DKK2: variants seen among roughly 807,000 people sequenced by gnomAD.
DKK2 encodes the protein dickkopf Wnt signaling pathway inhibitor 2.
Under a neutral mutation model 28.1 loss-of-function variants are expected in DKK2, and 11 were observed. The ratio of observed to expected loss-of-function variants is 0.39; its 90% CI spans 0.25 to 0.65. The LOEUF is 0.65. DKK2 is among the 30% of genes least tolerant of loss of function. DKK2 has a pLI of 0.47. For missense variants in DKK2, 326 were observed against 335.5 expected (o/e 0.97, Z 0.22); for synonymous variants, 135 against 126.5 (o/e 1.07, Z -0.45).
chr4:107,003,672 T>C (rs1427438475), intron 1 of DKK2, among the ~76,000 whole-genome samples: 2 of 152,226 alleles, frequency 1.3e-5, no homozygotes, highest in Non-Finnish European at 1.5e-5. Flanking sequence ...TGTCTGAACT[T>C]GCAGATTCTT....
intron 1 of DKK2, among the ~76,000 whole-genome samples, chr4:106,931,875 T>C (rs1724509274): frequency 6.6e-6 from 1 of 152,216 alleles, no homozygotes; most frequent in Non-Finnish European, 1.5e-5. Context: ...TAAGATGCCC[T>C]GATCAATCAT....
At chr4:107,025,227 GC>G (rs1456241527) in intron 1 of DKK2, among the ~76,000 whole-genome samples, 1 of 152,150 alleles carries the variant, frequency 6.6e-6, no homozygotes, top group East Asian at 1.9e-4. Flanking sequence ...CTAAAACACT[GC>G]CGATCTCCAA....
At chr4:106,940,996 A>G (rs543859241) in intron 1 of DKK2, among the ~76,000 whole-genome samples, 5 of 152,186 alleles carry the variant, frequency 3.3e-5, no homozygotes, top group Non-Finnish European at 7.4e-5. Context: ...ATTGGGAGAT[A>G]CACCTAATGC....
chr4:106,971,365 A>G (rs536255324), intron 1 of DKK2, among the ~76,000 whole-genome samples: 2 of 152,202 alleles, frequency 1.3e-5, no homozygotes, highest in East Asian at 3.9e-4. Flanking sequence ...GTATTTCAAA[A>G]CTAATTATTA....
At chr4:106,955,755 C>T (rs765426829) in intron 1 of DKK2, among the ~76,000 whole-genome samples, 13 of 152,090 alleles carry the variant, frequency 8.5e-5, no homozygotes, top group Non-Finnish European at 1.3e-4. Context: ...TATCTTGGTA[C>T]TAAGCTATTT....
At chr4:107,005,217 T>C (rs980915886) in intron 1 of DKK2, among the ~76,000 whole-genome samples, 4 of 151,744 alleles carry the variant, frequency 2.6e-5, no homozygotes, top group African/African-American at 9.7e-5. Flanking sequence ...GGTGGACACC[T>C]GTAGTCCCAG....
chr4:106,991,793 C>G (rs1407184783), intron 1 of DKK2, among the ~76,000 whole-genome samples: 2 of 152,108 alleles, frequency 1.3e-5, no homozygotes, highest in Non-Finnish European at 2.9e-5. Context: ...TTTTCCAAAC[C>G]TCATCCATCA....
At chr4:106,934,927 C>T (rs1724556825) in intron 1 of DKK2, among the ~76,000 whole-genome samples, 1 of 152,092 alleles carries the variant, frequency 6.6e-6, no homozygotes, top group Non-Finnish European at 1.5e-5. Flanking sequence ...AGAACCTATA[C>T]ACAAGAAGGC....
At chr4:106,945,195 C>T (rs1483441256) in intron 1 of DKK2, among the ~76,000 whole-genome samples, 1 of 152,084 alleles carries the variant, frequency 6.6e-6, no homozygotes. Flanking sequence ...GTTCATCCTA[C>T]AGTAAAGAGA....
chr4:106,957,117 G>C (rs1264913525), intron 1 of DKK2, among the ~76,000 whole-genome samples: 1 of 152,138 alleles, frequency 6.6e-6, no homozygotes, highest in Non-Finnish European at 1.5e-5. Context: ...CGTCTCAAAA[G>C]AAGACATTCA....
intron 1 of DKK2, among the ~76,000 whole-genome samples, chr4:106,992,489 C>G (rs1723218810): frequency 6.6e-6 from 1 of 152,260 alleles, no homozygotes; most frequent in Non-Finnish European, 1.5e-5. Context: ...AGCAGCCATC[C>G]TCAATTTGTG....
intron 1 of DKK2, among the ~76,000 whole-genome samples, chr4:107,021,281 G>T (rs1420335926): frequency 6.6e-6 from 1 of 152,008 alleles, no homozygotes; most frequent in Admixed American, 6.6e-5. Context: ...TCTGAATGTG[G>T]TGTGTTAATC....
At chr4:106,998,399 T>C (rs1045221413) in intron 1 of DKK2, among the ~76,000 whole-genome samples, 1 of 152,192 alleles carries the variant, frequency 6.6e-6, no homozygotes, top group Non-Finnish European at 1.5e-5. Flanking sequence ...TTACTCAAAG[T>C]TGTAAAGGTA....
intron 1 of DKK2, among the ~76,000 whole-genome samples, chr4:106,991,391 C>T (rs1466926323): frequency 6.6e-6 from 1 of 152,020 alleles, no homozygotes; most frequent in Non-Finnish European, 1.5e-5. Context: ...TGCCATGGCC[C>T]TCTTCCTTCT....
intron 1 of DKK2, among the ~76,000 whole-genome samples, chr4:106,967,355 G>A (rs1289010995): frequency 1.3e-5 from 2 of 152,150 alleles, no homozygotes; most frequent in Non-Finnish European, 2.9e-5. Context: ...TGGTACTCCA[G>A]CTAAACCTGA....
chr4:106,940,605 C>G (rs1414169623), intron 1 of DKK2, among the ~76,000 whole-genome samples: 28 of 150,836 alleles, frequency 1.9e-4, no homozygotes. Context: ...CATCCCATTA[C>G]TGGGTATATA....
At position 106,925,884 on chromosome 4, in the gene DKK2, T is replaced by C; in HGVS notation, c.288A>G (p.Gly96=). 2 of 1,613,770 alleles carry C rather than the reference T, an allele frequency of 1.2e-6. No homozygotes were observed. Among genetic ancestry groups the C allele is most frequent in the Non-Finnish European group, 1.7e-6 (2 of 1,179,900 alleles). Residue 96 remains glycine (G), a synonymous_variant, in exon 2 of 4, where the codon GGA becomes GGG. Coordinates refer to ENST00000285311, the MANE Select transcript of DKK2 (RefSeq NM_014421.3). ...VGRYCHSPHQ[G]SSACMVCRRK... The stretch of plus-strand genomic sequence containing the variant: ...TCCGACACACCATGCAGGCCGATGA[T>C]CCTTGGTGGGGACTGTGGCAATACC...
chr4:106,962,538 TG>T (rs1456050254), intron 1 of DKK2, among the ~76,000 whole-genome samples: 11 of 130,386 alleles, frequency 8.4e-5, no homozygotes, highest in Non-Finnish European at 1.7e-4. Flanking sequence ...TGTGTGTGTG[TG>T]TGTGTGTGTG....
chr4:107,031,056 T>C (rs1311335732), intron 1 of DKK2, among the ~76,000 whole-genome samples: 3 of 152,028 alleles, frequency 2.0e-5, no homozygotes, highest in Non-Finnish European at 4.4e-5. Context: ...TATTAGATTA[T>C]CATTAAAATA....
Sources: gnomAD v4.1 joint callset for allele counts (sites outside exome capture counted in the v4.1 genomes callset) on GRCh38, gnomAD v4.1.1 for gene constraint, MANE v1.5 for transcripts, NCBI Gene and HGNC (gene_info 2026-07-23, HGNC 2026-07-21) for gene names.